Variants in SCP2 observed in about 807,000 individuals in gnomAD.
The protein encoded by SCP2 is sterol carrier protein 2, also known as SCP-2/3-oxoacyl-CoA thiolase.
Under a neutral mutation model 71.4 loss-of-function variants are expected in SCP2, and 48 were observed. The observed-to-expected ratio is 0.67, with a 90% confidence interval of 0.53 to 0.86. The LOEUF is 0.86. Among genes scored for constraint, SCP2 ranks in the 40% least tolerant of loss-of-function variants. SCP2 has a pLI of 0.00. For synonymous variants in SCP2, 220 were observed against 218.1 expected, an observed-to-expected ratio of 1.01 and a Z score of -0.08; for missense variants, 560 against 655.6, an observed-to-expected ratio of 0.85 and a Z score of 1.59.
chr1:52,936,556 A>G (rs554337558), intron 1 of SCP2, among the ~76,000 whole-genome samples: 1 of 152,354 alleles, frequency 6.6e-6, no homozygotes, highest in African/African-American at 2.4e-5. Context: ...GCAATCTGCA[A>G]AATCCAGACT....
chr1:53,002,416 G>T (rs553035711), intron 11 of SCP2, among the ~76,000 whole-genome samples: 1 of 152,286 alleles, frequency 6.6e-6, no homozygotes, highest in East Asian at 1.9e-4. Flanking sequence ...TCATTAGGAA[G>T]AATTCATTGG....
Position 53,023,626 on chromosome 1 carries a change from G to A in SCP2, c.1236-4343G>A, listed in dbSNP as rs181819990. ...TTTAGTAGGGTTTCACAGAAAAGTA[G>A]TTTCCTGAAAGGGCTGGGTCTCGAA... On this transcript the variant is annotated intron_variant, in intron 12 of 15. Coordinates refer to ENST00000371514, the MANE Select transcript of SCP2 (RefSeq NM_002979.5). Among the ~76,000 whole-genome samples, 3 of 152,238 alleles carry A rather than the reference G, an allele frequency of 2.0e-5. No homozygotes were observed. In the East Asian group the frequency reaches 5.8e-4, roughly 29 times the overall value.
chr1:52,973,270 C>CT (rs1657654061), intron 6 of SCP2, among the ~76,000 whole-genome samples: 1 of 152,092 alleles, frequency 6.6e-6, no homozygotes, highest in African/African-American at 2.4e-5. Flanking sequence ...ATAGTAAAGG[C>CT]TCCAAATGTC....
chr1:52,930,572 G>A lies in SCP2; in HGVS notation c.69+3107G>A, dbSNP rs1399617908. On this transcript the variant is annotated intron_variant, in intron 1 of 15. Transcript: ENST00000371514. ...GCCTGGGAGGTTGAGGCTGCAGTGA[G>A]TCCTGTTTGAGCCACCACACTCCAG... is the stretch of plus-strand genomic sequence containing the variant. Among the ~76,000 whole-genome samples, 6 of 152,110 alleles carry A rather than the reference G, an allele frequency of 3.9e-5. No individual in the cohort carries two copies. In the South Asian group the frequency reaches 1.0e-3, roughly 26 times the overall value.
intron 11 of SCP2, chr1:52,994,209 T>C (rs1049766779): frequency 9.8e-7 from 1 of 1,023,104 alleles, no homozygotes. Context: ...TGATAATAAA[T>C]ATTCCTGTGG....
intron 11 of SCP2, chr1:52,995,192 C>G: frequency 2.0e-6 from 1 of 497,138 alleles, no homozygotes; most frequent in South Asian, 1.6e-5. Context: ...GAAGAGTGCC[C>G]TGATTGCATC....
intron 3 of SCP2, among the ~76,000 whole-genome samples, chr1:52,950,530 T>C (rs1370451501): frequency 6.6e-6 from 1 of 152,246 alleles, no homozygotes; most frequent in South Asian, 2.1e-4. Flanking sequence ...ATTTCTTTAC[T>C]TCTCTACCTC....
At chr1:52,983,482 G>T (rs908233461) in intron 10 of SCP2, among the ~76,000 whole-genome samples, 1 of 152,066 alleles carries the variant, frequency 6.6e-6, no homozygotes, top group African/African-American at 2.4e-5. Flanking sequence ...TTGTCCCATA[G>T]GTCCCTGAAA....
At chr1:53,004,368 GA>G (rs1441391313) in intron 11 of SCP2, among the ~76,000 whole-genome samples, 1 of 152,170 alleles carries the variant, frequency 6.6e-6, no homozygotes, top group Admixed American at 6.5e-5. Context: ...ACATGTGATA[GA>G]TAATTTTGTC....
At chr1:53,009,194 G>T (rs376830299) in intron 11 of SCP2, among the ~76,000 whole-genome samples, 1 of 152,044 alleles carries the variant, frequency 6.6e-6, no homozygotes, top group East Asian at 1.9e-4. Flanking sequence ...GAAAATGGCC[G>T]TACTGCCCAA....
chr1:52,970,283 A>G (rs768865662), intron 6 of SCP2, among the ~76,000 whole-genome samples: 2 of 152,210 alleles, frequency 1.3e-5, no homozygotes, highest in Non-Finnish European at 1.5e-5. Context: ...GGGTCTTGCA[A>G]TACTACCCAG....
intron 2 of SCP2, chr1:52,943,811 T>C (rs1039700515): frequency 4.4e-6 from 2 of 451,326 alleles, no homozygotes; most frequent in African/African-American, 2.0e-5. Flanking sequence ...AGGCCTGTAA[T>C]GATGAGGTTT....
chr1:53,004,385 T>C (rs1660498899), intron 11 of SCP2, among the ~76,000 whole-genome samples: 1 of 152,200 alleles, frequency 6.6e-6, no homozygotes, highest in South Asian at 2.1e-4. Flanking sequence ...TTGTCAGGCC[T>C]CTGAGCCCAA....
chr1:53,032,792 T>C (rs905995733), intron 13 of SCP2, among the ~76,000 whole-genome samples: 6 of 152,244 alleles, frequency 3.9e-5, no homozygotes, highest in Non-Finnish European at 8.8e-5. Flanking sequence ...AGAAGCATTC[T>C]TAATCTTTAT....
At chr1:53,048,432 T>G (rs1394186122) in intron 15 of SCP2, 3 of 191,764 alleles carry the variant, frequency 1.6e-5, no homozygotes, top group Non-Finnish European at 3.4e-5. Context: ...GACAAATGAC[T>G]TGTCTTTCAA....
At chr1:52,950,181 G>A (rs1231153724) in intron 3 of SCP2, among the ~76,000 whole-genome samples, 1 of 152,076 alleles carries the variant, frequency 6.6e-6, no homozygotes, top group Non-Finnish European at 1.5e-5. Context: ...GAGTGCAGTG[G>A]TGCGATCTAG....
At chr1:53,016,314 C>T (rs1308756472) in intron 12 of SCP2, among the ~76,000 whole-genome samples, 2 of 152,126 alleles carry the variant, frequency 1.3e-5, no homozygotes, top group Non-Finnish European at 2.9e-5. Flanking sequence ...GGTTTGGTTG[C>T]ACTGTATCCG....
chr1:52,996,659 A>G (rs1659955549), intron 11 of SCP2, among the ~76,000 whole-genome samples: 1 of 152,070 alleles, frequency 6.6e-6, no homozygotes, highest in African/African-American at 2.4e-5. Flanking sequence ...TACCTCTCTC[A>G]TATATTGAAT....
chr1:53,029,562 C>T (rs1572210400), intron 13 of SCP2, among the ~76,000 whole-genome samples: 1 of 152,212 alleles, frequency 6.6e-6, no homozygotes, highest in South Asian at 2.1e-4. Context: ...ATTTCACTCA[C>T]GTTAGAGCCA....
Sources: allele counts gnomAD v4.1 joint callset (sites outside exome capture counted in the v4.1 genomes callset), GRCh38; gene constraint gnomAD v4.1.1; transcripts MANE v1.5; gene names NCBI Gene and HGNC (gene_info 2026-07-23, HGNC 2026-07-21).